Variants in ANXA13 observed in about 807,000 individuals in gnomAD.
ANXA13 encodes annexin XIII.
ANXA13 carries 36 observed loss-of-function variants against 46.6 expected under a neutral mutation model. The observed-to-expected ratio is 0.77, with a 90% CI of 0.59 to 1.02. The LOEUF is 1.02. ANXA13 is among the 50% of genes least tolerant of loss of function. The pLI is 0.00. For synonymous variants in ANXA13, 163 were observed against 152.9 expected (o/e 1.07, Z -0.49); for missense variants, 417 against 396.5 (o/e 1.05, Z -0.44).
chr8:123,735,125 A>C (rs1017199443), intron 1 of ANXA13, among the ~76,000 whole-genome samples: 1 of 152,040 alleles, frequency 6.6e-6, no homozygotes, highest in Non-Finnish European at 1.5e-5. Flanking sequence ...AAAAAAAAAA[A>C]AAAAACAAAC....
At chr8:123,726,144 A>G (rs1248695719) in intron 1 of ANXA13, among the ~76,000 whole-genome samples, 3 of 152,198 alleles carry the variant, frequency 2.0e-5, no homozygotes, top group Non-Finnish European at 4.4e-5. Context: ...CTGAAAAATG[A>G]GTTCAGTTCT....
At chr8:123,685,509 G>C (rs1392789737) in intron 9 of ANXA13, among the ~76,000 whole-genome samples, 1 of 152,088 alleles carries the variant, frequency 6.6e-6, no homozygotes, top group African/African-American at 2.4e-5. Flanking sequence ...AAAAATATTT[G>C]CCCTTTAGGC....
At chr8:123,714,050 C>T (rs1351002426) in intron 1 of ANXA13, among the ~76,000 whole-genome samples, 5 of 152,200 alleles carry the variant, frequency 3.3e-5, no homozygotes, top group African/African-American at 4.8e-5. Flanking sequence ...CTGGCAGTAG[C>T]ACCGCAGTTC....
chr8:123,725,486 T>C (rs1013649329), intron 1 of ANXA13, among the ~76,000 whole-genome samples: 1 of 152,216 alleles, frequency 6.6e-6, no homozygotes, highest in African/African-American at 2.4e-5. Flanking sequence ...GAATGCAAAT[T>C]ATTGTACTTT....
intron 1 of ANXA13, among the ~76,000 whole-genome samples, chr8:123,727,336 G>C (rs1814020520): frequency 6.6e-6 from 1 of 152,170 alleles, no homozygotes; most frequent in Admixed American, 6.5e-5. Context: ...ACTTTTCTCT[G>C]TTATAAGAGA....
intron 1 of ANXA13, among the ~76,000 whole-genome samples, chr8:123,722,558 C>G (rs1813904148): frequency 6.6e-6 from 1 of 152,088 alleles, no homozygotes; most frequent in African/African-American, 2.4e-5. Flanking sequence ...AAAATGAAGT[C>G]ACCGCTATTT....
chr8:123,716,336 C>T (rs1412812861), intron 1 of ANXA13, among the ~76,000 whole-genome samples: 2 of 152,110 alleles, frequency 1.3e-5, no homozygotes, highest in Non-Finnish European at 2.9e-5. Context: ...CCACCCACCT[C>T]GGCCTCCCAA....
chr8:123,691,519 T>C (rs544438085), intron 8 of ANXA13, among the ~76,000 whole-genome samples: 116 of 152,338 alleles, frequency 7.6e-4, no homozygotes, highest in Non-Finnish European at 1.5e-3. Context: ...GCCTACTGCA[T>C]GCCAGGGACT....
chr8:123,721,397 G>T (rs1813869019), intron 1 of ANXA13, among the ~76,000 whole-genome samples: 1 of 152,142 alleles, frequency 6.6e-6, no homozygotes, highest in Non-Finnish European at 1.5e-5. Context: ...TCTTTTCCAA[G>T]GCTGTTTTCC....
intron 1 of ANXA13, among the ~76,000 whole-genome samples, chr8:123,722,244 T>C (rs1386219517): frequency 6.6e-6 from 1 of 151,738 alleles, no homozygotes; most frequent in Non-Finnish European, 1.5e-5. Context: ...GGCCAGGAAG[T>C]TGAGGTTGCA....
Position 123,693,746 on chromosome 8 carries a change from C to T in ANXA13, c.505G>A (p.Asp169Asn). 1 of 1,614,160 alleles carries T rather than the reference C, an allele frequency of 6.2e-7. No individual in the cohort carries two copies. The highest frequency in any genetic ancestry group is 8.5e-7 in the Non-Finnish European group (1 of 1,180,024). Residue 169 changes from aspartate to asparagine, a missense_variant, in exon 7 of 11, where the codon GAT (aspartate) becomes AAT (asparagine). Asp to Asn is a conservative substitution (Grantham distance 23, BLOSUM62 1). Coordinates refer to ENST00000419625, the MANE Select transcript of ANXA13 (RefSeq NM_004306.4). ...TCTTTGGCATCCTGACCAGCTAGATCTTTGTCCACGTCATCTCCTTCATTG... is the reference window on the plus strand; with the variant it reads ...TCTTTGGCATCCTGACCAGCTAGATTTTTGTCCACGTCATCTCCTTCATTG... ...NRNEGDDVDKDLAGQDAKDLY... is the reference protein window; with the variant it reads ...NRNEGDDVDKNLAGQDAKDLY...
chr8:123,719,402 T>C (rs1480028785), intron 1 of ANXA13, among the ~76,000 whole-genome samples: 1 of 152,206 alleles, frequency 6.6e-6, no homozygotes, highest in Non-Finnish European at 1.5e-5. Context: ...AAATCTATTG[T>C]ATGTTAAGCA....
At chr8:123,729,258 C>T (rs1334581493) in intron 1 of ANXA13, 1 of 152,146 alleles carries the variant, frequency 6.6e-6, no homozygotes, top group African/African-American at 2.4e-5. Flanking sequence ...TATGGCCATG[C>T]CTCCCTCTCA....
intron 1 of ANXA13, among the ~76,000 whole-genome samples, chr8:123,725,791 C>A (rs937214455): frequency 6.6e-6 from 1 of 152,166 alleles, no homozygotes; most frequent in Non-Finnish European, 1.5e-5. Flanking sequence ...GATCTCACAC[C>A]GACTAAAAGC....
rs1813314099 is a variant in ANXA13, at chr8:123,695,534, T to A, written c.439A>T (p.Asn147Tyr). The A allele has an allele frequency of 6.2e-7, 1 of 1,614,166 alleles. No individual in the cohort carries two copies. The highest frequency in any genetic ancestry group is 1.7e-5 in the Admixed American group (1 of 60,032). ...AGAGACACCAGGATTTTTTTTAGGT[T>A]TCCACTTGTATCACCTTTGACATCT... ...ESDVKGDTSG[N>Y]LKKILVSLLQ... The change falls in exon 6 of 11, where the codon AAC (asparagine) becomes TAC (tyrosine). Residue 147 changes from asparagine to tyrosine, a missense_variant. Transcript: ENST00000419625.
intron 1 of ANXA13, among the ~76,000 whole-genome samples, chr8:123,716,260 A>G (rs948257929): frequency 2.4e-4 from 36 of 151,960 alleles, no homozygotes; most frequent in African/African-American, 7.0e-4. Context: ...TAATTTTTGT[A>G]TTTTTGGTAG....
chr8:123,700,692 C>T (rs1213029928), intron 3 of ANXA13, among the ~76,000 whole-genome samples: 2 of 152,080 alleles, frequency 1.3e-5, no homozygotes, highest in Admixed American at 6.5e-5. Context: ...GCATTGTATC[C>T]GATTTTTCTT....
chr8:123,711,012 C>CA (rs1164851919), intron 2 of ANXA13, among the ~76,000 whole-genome samples: 1 of 147,740 alleles, frequency 6.8e-6, no homozygotes, highest in Non-Finnish European at 1.5e-5. Context: ...TCCAAGGATA[C>CA]AGGGGAAAAT....
chr8:123,704,085 G>C (rs961641375), intron 2 of ANXA13, among the ~76,000 whole-genome samples: 2 of 152,120 alleles, frequency 1.3e-5, no homozygotes, highest in African/African-American at 4.8e-5. Context: ...TCCAAGTGTG[G>C]GTCCAGTCCG....
Sources: allele counts gnomAD v4.1 joint callset (sites outside exome capture counted in the v4.1 genomes callset), GRCh38; gene constraint gnomAD v4.1.1; transcripts MANE v1.5; gene names NCBI Gene and HGNC (gene_info 2026-07-23, HGNC 2026-07-21).